The following PPL variants were observed in gnomAD, a reference collection of about 807,000 sequenced individuals.
PPL encodes 190 kDa paraneoplastic pemphigus antigen.
A neutral mutation model predicts 194.4 loss-of-function variants in PPL; 198 were observed. The observed-to-expected ratio is 1.02, with a 90% CI of 0.91 to 1.15. The LOEUF (loss-of-function observed/expected upper bound fraction) is 1.15. Ranked by LOEUF, PPL falls within the 50% of genes most tolerant of loss-of-function variation. PPL has a pLI of 0.00. For missense variants in PPL, 2,885 were observed against 2,294.8 expected (o/e 1.26, Z -5.25); for synonymous variants, 1,220 against 972.4 (o/e 1.25, Z -4.74).
intron 2 of PPL, among the ~76,000 whole-genome samples, chr16:4,905,132 G>C (rs1294676107): frequency 2.6e-5 from 4 of 152,184 alleles, no homozygotes; most frequent in Non-Finnish European, 5.9e-5. Context: ...GTGCAGGTTG[G>C]CTGACGCTGG....
chr16:4,920,191 G>A (rs1296974496), intron 1 of PPL, among the ~76,000 whole-genome samples: 6 of 151,688 alleles, frequency 4.0e-5, no homozygotes, highest in Non-Finnish European at 8.8e-5. Flanking sequence ...GGCCGAGGCC[G>A]GGGAATTGCT....
chr16:4,902,005 C>T lies in PPL; in HGVS notation c.438+401G>A, dbSNP rs190349525. Among the ~76,000 whole-genome samples the T allele has an allele frequency of 3.3e-5, 5 of 151,896 alleles. No homozygotes were observed. The highest frequency in any genetic ancestry group is 4.8e-5 in the African/African-American group (2 of 41,396). On this transcript the variant is annotated intron_variant, in intron 4 of 21. Transcript: ENST00000345988. The surrounding 1 kb of genome is among the most constrained non-coding windows in gnomAD (Gnocchi z 4.0). The stretch of plus-strand genomic sequence containing the variant: ...AACTGGGGAAGCTAAGGCTTGAACC[C>T]GGGACACCTAGCTGCAGTGGCTGTG...
rs368749682 is a variant in PPL, at chr16:4,900,955, A to G, written c.564+9T>C. On this transcript the variant is annotated intron_variant, in intron 5 of 21. Transcript: ENST00000345988. ...CCCTGGGTCCCCACCACACCAGCACACGCCCCACCTTGTCCCCGTCCTTGG... is the reference window on the plus strand; with the variant it reads ...CCCTGGGTCCCCACCACACCAGCACGCGCCCCACCTTGTCCCCGTCCTTGG... The G allele has an allele frequency of 1.2e-6, 2 of 1,613,914 alleles. No individual in the cohort carries two copies. The highest frequency in any genetic ancestry group is 8.5e-7 in the Non-Finnish European group (1 of 1,179,978).
intron 1 of PPL, among the ~76,000 whole-genome samples, chr16:4,913,700 G>T (rs1039291604): frequency 1.3e-5 from 2 of 152,172 alleles, no homozygotes; most frequent in Admixed American, 6.5e-5. Flanking sequence ...ACCATGCCCA[G>T]CCTCCTTCTG....
intron 1 of PPL, among the ~76,000 whole-genome samples, chr16:4,922,883 A>G (rs996792552): frequency 1.1e-4 from 16 of 152,106 alleles, no homozygotes; most frequent in Admixed American, 9.2e-4. Context: ...ATTTGGAACC[A>G]TCTCCTCCAA....
intron 1 of PPL, among the ~76,000 whole-genome samples, chr16:4,932,804 G>A (rs559112200): frequency 6.6e-6 from 1 of 152,052 alleles, no homozygotes; most frequent in African/African-American, 2.4e-5. Context: ...GTCATGGGCT[G>A]GACCCATCAT....
chr16:4,904,733 G>T (rs1456356095), intron 2 of PPL, among the ~76,000 whole-genome samples: 1 of 152,142 alleles, frequency 6.6e-6, no homozygotes, highest in Non-Finnish European at 1.5e-5. Context: ...TGCAAGGAGG[G>T]ATCCTGCACA....
rs532722713 is a variant in PPL at position 4,885,238 on chromosome 16, G to A, written c.3417C>T (p.Asp1139=). 3.7e-5 allele frequency: 60 copies of A among 1,613,626 alleles called. No individual in the cohort carries two copies. Among genetic ancestry groups the A allele is most frequent in the African/African-American group, 2.0e-4 (15 of 74,946 alleles). The change falls in exon 22 of 22, where the codon GAC becomes GAT. Residue 1139 remains aspartate (D), a synonymous_variant. Transcript: ENST00000345988. This position sits in a 1 kb window ranked among gnomAD's most constrained non-coding sequence, Gnocchi z 6.3. ...EVSDLTRQYE[D]EAAKARASQR... is the part of the protein sequence containing the mutation. ...GGCTAGCGCGAGCCTTGGCAGCCTC[G>A]TCCTCATATTGGCGGGTGAGATCGC...
intron 17 of PPL, 60 bp from the exon 18 acceptor site, chr16:4,890,394 A>AT (rs34953070): frequency 0.1 from 111,810 of 1,095,670 alleles, 1,446 homozygotes; most frequent in African/African-American, 0.15. Flanking sequence ...CCGAGCCCTC[A>AT]TTTTTTTTTT....
Position 4,902,617 on chromosome 16 carries a change from C to A in PPL, c.318-91G>T. 6.8e-7 allele frequency: 1 copy of A among 1,461,858 alleles called. No homozygotes were observed. The highest frequency in any genetic ancestry group is 2.4e-5 in the East Asian group (1 of 42,320). The allele number at this position is 1,461,858 out of a possible 1,614,324, so 90.6% of individuals were successfully genotyped here. The stretch of plus-strand genomic sequence containing the variant: ...CCCACCCAGACCCCGGCCTCAGTGT[C>A]CTGGAAGGACACAGTGACCATATGG... On this transcript the variant is annotated intron_variant, in intron 3 of 21. Coordinates refer to ENST00000345988, the MANE Select transcript of PPL (RefSeq NM_002705.5). This position sits in a 1 kb window ranked among gnomAD's most constrained non-coding sequence, Gnocchi z 4.0.
intron 8 of PPL, among the ~76,000 whole-genome samples, 172 bp from the exon 9 acceptor site, chr16:4,897,942 G>C (rs1417358461): frequency 6.6e-6 from 1 of 152,178 alleles, no homozygotes; most frequent in African/African-American, 2.4e-5. Context: ...GAGGAGGAGA[G>C]AGGGGTCACG....
At chr16:4,903,356 A>G (rs2088615392) in intron 3 of PPL, among the ~76,000 whole-genome samples, 1 of 152,160 alleles carries the variant, frequency 6.6e-6, no homozygotes, top group Non-Finnish European at 1.5e-5. Flanking sequence ...AGAACAAGGG[A>G]TATCAACTCC....
intron 6 of PPL, 62 bp downstream of exon 6, chr16:4,900,768 C>A: frequency 1.2e-6 from 2 of 1,607,064 alleles, no homozygotes; most frequent in Non-Finnish European, 1.7e-6. Context: ...CTTGTCCCCC[C>A]GACTCCAAGC....
Position 4,883,952 on chromosome 16 carries a change from A to G in PPL, c.4703T>C (p.Leu1568Ser). Residue 1568 changes from leucine (L) to serine (S), a missense_variant, in exon 22 of 22, where the codon TTA (leucine) becomes TCA (serine). Leu to Ser is a moderately radical substitution (Grantham distance 145, BLOSUM62 -2). Coordinates refer to ENST00000345988, the MANE Select transcript of PPL (RefSeq NM_002705.5). This position sits in a 1 kb window ranked among gnomAD's most constrained non-coding sequence, Gnocchi z 4.8. ...CTGCAGGTTTTGCCTCTCCAGCTGT[A>G]ATTTGTGGTTCTCTTCCCTCAGAAA... ...LDFLREENHK[L>S]QLERQNLQLE... 1 of 1,613,974 alleles carries G rather than the reference A, an allele frequency of 6.2e-7. No homozygotes were observed. Among genetic ancestry groups the G allele is most frequent in the Non-Finnish European group, 8.5e-7 (1 of 1,179,986 alleles).
rs1472921313 is a variant in PPL, at chr16:4,895,256, C to T, written c.1242+5G>A. ...GATGTGAACAGAGGAGCTGGCCCCA[C>T]GCACCTGCTCCCCCTCAAAGTCACA... is the stretch of plus-strand genomic sequence containing the variant. On this transcript the variant is annotated splice_donor_5th_base_variant and intron_variant, in intron 11 of 21. Coordinates refer to ENST00000345988, the MANE Select transcript of PPL (RefSeq NM_002705.5). The T allele has an allele frequency of 1.0e-5, 16 of 1,597,382 alleles. No homozygotes were observed. Among genetic ancestry groups the T allele is most frequent in the African/African-American group, 1.3e-5 (1 of 74,314 alleles).
chr16:4,923,683 C>G (rs998277117), intron 1 of PPL, among the ~76,000 whole-genome samples: 2 of 151,910 alleles, frequency 1.3e-5, no homozygotes, highest in Admixed American at 1.3e-4. Flanking sequence ...GGTGTGGGCT[C>G]GGGCAGATTC....
At chr16:4,923,428 C>T (rs1003005033) in intron 1 of PPL, among the ~76,000 whole-genome samples, 2 of 152,188 alleles carry the variant, frequency 1.3e-5, no homozygotes, top group African/African-American at 4.8e-5. Context: ...TCCCGGCCTC[C>T]TGCCCCCAGG....
Position 4,902,615 on chromosome 16 carries a change from G to A in PPL, c.318-89C>T. 6.8e-7 allele frequency: 1 copy of A among 1,471,172 alleles called. No homozygotes were observed. Among genetic ancestry groups the A allele is most frequent in the Non-Finnish European group, 9.2e-7 (1 of 1,084,858 alleles). 91.1% of individuals were successfully genotyped at this position (1,471,172 alleles called of 1,614,324 possible). On this transcript the variant is annotated intron_variant, in intron 3 of 21. Transcript: ENST00000345988. This position sits in a 1 kb window ranked among gnomAD's most constrained non-coding sequence, Gnocchi z 4.0. Reference sequence around the variant, plus strand: ...CCCCCACCCAGACCCCGGCCTCAGTGTCCTGGAAGGACACAGTGACCATAT... The same window carrying A: ...CCCCCACCCAGACCCCGGCCTCAGTATCCTGGAAGGACACAGTGACCATAT...
chr16:4,892,692 C>T (rs2088342984), intron 14 of PPL: 1 of 163,204 alleles, frequency 6.1e-6, no homozygotes, highest in African/African-American at 2.4e-5. Flanking sequence ...AATCCCAGAT[C>T]CTCTTCTGTA....
Sources: allele counts gnomAD v4.1 joint callset (sites outside exome capture counted in the v4.1 genomes callset), GRCh38; gene constraint gnomAD v4.1.1; non-coding constraint Gnocchi (gnomAD v3.1); transcripts MANE v1.5; gene names NCBI Gene and HGNC (gene_info 2026-07-23, HGNC 2026-07-21).